EPB41L3: variants seen among roughly 807,000 people sequenced by gnomAD.
The protein encoded by EPB41L3 is erythrocyte membrane protein band 4.1 like 3.
In EPB41L3, 57 loss-of-function variants were observed where a neutral mutation model predicts 127.1. The ratio of observed to expected loss-of-function variants is 0.45; its 90% confidence interval spans 0.36 to 0.56. The LOEUF is 0.56. Ranked by LOEUF, EPB41L3 falls within the 20% of genes least tolerant of loss-of-function variation. The pLI is 0.00. For synonymous variants in EPB41L3, 572 were observed against 549.5 expected, an observed-to-expected ratio of 1.04 and a Z score of -0.57; for missense variants, 1,273 against 1,372.2, an observed-to-expected ratio of 0.93 and a Z score of 1.14.
chr18:5,515,262 T>A (rs1168726851), intron 1 of EPB41L3, among the ~76,000 whole-genome samples: 1 of 152,198 alleles, frequency 6.6e-6, no homozygotes, highest in Non-Finnish European at 1.5e-5. Context: ...ACTGAGAGTT[T>A]TTTTGCTTTG....
chr18:5,396,797 TA>T, intron 18 of EPB41L3, among the ~76,000 whole-genome samples: 1 of 152,218 alleles, frequency 6.6e-6, no homozygotes, highest in Non-Finnish European at 1.5e-5. Flanking sequence ...CTGCCAATTA[TA>T]ATAATTTCAG....
chr18:5,546,190 A>C (rs2093878577), upstream of EPB41L3, among the ~76,000 whole-genome samples: 1 of 152,142 alleles, frequency 6.6e-6, no homozygotes, highest in East Asian at 1.9e-4. Flanking sequence ...CTGAATGGCA[A>C]TTTTCTTGGG....
intron 3 of EPB41L3, among the ~76,000 whole-genome samples, chr18:5,468,000 C>T (rs1233458134): frequency 6.6e-6 from 1 of 152,168 alleles, no homozygotes; most frequent in Non-Finnish European, 1.5e-5. Context: ...CCTGCTCCCA[C>T]TGCCTGGCTT....
At chr18:5,469,945 A>G (rs962586716) in intron 3 of EPB41L3, among the ~76,000 whole-genome samples, 1 of 151,908 alleles carries the variant, frequency 6.6e-6, no homozygotes, top group East Asian at 1.9e-4. Flanking sequence ...ATGCACAGCT[A>G]ATTTTTGTAT....
intron 1 of EPB41L3, among the ~76,000 whole-genome samples, chr18:5,517,815 G>A (rs1039336244): frequency 1.8e-4 from 28 of 151,954 alleles, no homozygotes; most frequent in Admixed American, 8.5e-4. Context: ...CTCCCTCCCC[G>A]CCACCACCAG....
At chr18:5,398,486 C>T (rs1431488948) in intron 16 of EPB41L3, 4 of 412,824 alleles carry the variant, frequency 9.7e-6, no homozygotes, top group African/African-American at 2.1e-5. Context: ...CTTTGCACTG[C>T]GGTATTGATT....
At chr18:5,630,424 C>T (rs1238822492), upstream of EPB41L3, 1 of 518,956 alleles carries the variant, frequency 1.9e-6, no homozygotes, top group African/African-American at 1.9e-5. Flanking sequence ...AGCTTGTTCG[C>T]AGCCCGCAGG....
Position 5,397,355 on chromosome 18 carries a change from A to G in EPB41L3, c.2544T>C (p.Thr848=), listed in dbSNP as rs2073721104. ...ACACGGTCTCCTGCACCACCTTCTC[A>G]GTGCTAAGCGGCAGGTGGTGCACGG... is the stretch of plus-strand genomic sequence containing the variant. ...EPTVHHLPLS[T]EKVVQETVLV... Residue 848 remains threonine (T), a synonymous_variant, in exon 18 of 23, where the codon ACT becomes ACC. Coordinates refer to ENST00000341928, the MANE Select transcript of EPB41L3 (RefSeq NM_012307.5). This position sits in a 1 kb window ranked among gnomAD's most constrained non-coding sequence, Gnocchi z 4.1. The G allele has an allele frequency of 3.1e-6, 5 of 1,613,962 alleles. No homozygotes were observed. Among genetic ancestry groups the G allele is most frequent in the Non-Finnish European group, 4.2e-6 (5 of 1,180,014 alleles).
rs563662904 is a variant in EPB41L3 at position 5,499,829 on chromosome 18, G to GTGTATATATATATATATA, written c.-11-10636_-11-10635insTATATATATATATATACA. Among the ~76,000 whole-genome samples the GTGTATATATATATATATA allele has an allele frequency of 8.1e-4, 101 of 124,636 alleles. 1 individual carries two copies. The highest frequency in any genetic ancestry group is 3.0e-3 in the African/African-American group (97 of 32,182). 81.8% of individuals were successfully genotyped at this position (124,636 alleles called of 152,430 possible). ...CCTACTACATACTTACTATGTGTGT[G>GTGTATATATATATATATA]TATATATATATATATATATGGCATT... On this transcript the variant is annotated intron_variant, in intron 1 of 22. Transcript: ENST00000341928.
At position 5,438,117 on chromosome 18, in the gene EPB41L3, G is replaced by C. The variant is rs2080132276; in HGVS notation, c.530-7C>G. 3 of 1,611,946 alleles carry C rather than the reference G, an allele frequency of 1.9e-6. No individual in the cohort carries two copies. In the African/African-American group the frequency reaches 4.0e-5, roughly 22 times the overall value. ...GAAAAGTGCCAAGCACCACCTGCAA[G>C]GATGGAAAAAAATTAGAGTAAAACC... On this transcript the variant is annotated splice_polypyrimidine_tract_variant and splice_region_variant and intron_variant, in intron 5 of 22. Transcript: ENST00000341928.
At chr18:5,425,692 A>G (rs1489678294) in intron 9 of EPB41L3, among the ~76,000 whole-genome samples, 9 of 151,906 alleles carry the variant, frequency 5.9e-5, no homozygotes, top group Admixed American at 5.9e-4. Flanking sequence ...ATTTCTTCTC[A>G]CTCACTTTTC....
intron 3 of EPB41L3, among the ~76,000 whole-genome samples, chr18:5,563,179 A>G (rs78561104): frequency 6.6e-6 from 1 of 152,220 alleles, no homozygotes; most frequent in East Asian, 1.9e-4. Context: ...AGTATGGGGA[A>G]TATGTAAGAA....
intron 8 of EPB41L3, among the ~76,000 whole-genome samples, chr18:5,432,180 A>G (rs868640638): frequency 2.0e-5 from 3 of 152,324 alleles, no homozygotes; most frequent in Middle Eastern, 6.8e-3. Flanking sequence ...AAAGCTAACC[A>G]AAGTGCAGCC....
intron 1 of EPB41L3, among the ~76,000 whole-genome samples, chr18:5,519,388 C>G (rs1205459372): frequency 6.6e-6 from 1 of 152,220 alleles, no homozygotes; most frequent in Non-Finnish European, 1.5e-5. Flanking sequence ...ACTCCCCAGT[C>G]TATCCGGATT....
intron 1 of EPB41L3, among the ~76,000 whole-genome samples, chr18:5,503,444 G>T (rs530094576): frequency 1.3e-5 from 2 of 152,266 alleles, no homozygotes; most frequent in East Asian, 3.9e-4. Flanking sequence ...TGGGTTCCAC[G>T]TCCACCAATT....
At position 5,392,654 on chromosome 18, in the gene EPB41L3, T is replaced by A. The variant is rs9953490; in HGVS notation, c.*831A>T. 0.28 allele frequency: 42,668 copies of A among 152,406 alleles called. 12,137 individuals carry two copies. The highest frequency in any genetic ancestry group is 0.73 in the African/African-American group (30,347 of 41,448). 9.4% of individuals were successfully genotyped at this position (152,406 alleles called of 1,614,324 possible). A position where few individuals can be genotyped will look rare whatever the true frequency, so the allele number is the denominator to read the frequency against. ...TAAAAAATACACGGCACGGAAAAAGTAACTAAGAAAACAAAGCCACAGGAA... is the reference window on the plus strand; with the variant it reads ...TAAAAAATACACGGCACGGAAAAAGAAACTAAGAAAACAAAGCCACAGGAA... On this transcript the variant is annotated 3_prime_UTR_variant, in exon 23 of 23. Coordinates refer to ENST00000341928, the MANE Select transcript of EPB41L3 (RefSeq NM_012307.5).
At chr18:5,624,907 A>G (rs1455185767) in intron 1 of EPB41L3, among the ~76,000 whole-genome samples, 1 of 152,210 alleles carries the variant, frequency 6.6e-6, no homozygotes, top group Non-Finnish European at 1.5e-5. Flanking sequence ...CGAGAAAAAC[A>G]TCACAAGGGA....
At chr18:5,619,141 T>C (rs1338429060) in intron 1 of EPB41L3, among the ~76,000 whole-genome samples, 1 of 152,120 alleles carries the variant, frequency 6.6e-6, no homozygotes, top group African/African-American at 2.4e-5. Context: ...AATGGGGCTC[T>C]TGACTATTAA....
intron 1 of EPB41L3, among the ~76,000 whole-genome samples, chr18:5,542,275 G>C (rs1291274792): frequency 6.6e-6 from 1 of 152,180 alleles, no homozygotes; most frequent in East Asian, 1.9e-4. Context: ...TTGGGACTAC[G>C]TCCATGGCTC....
Sources: allele counts gnomAD v4.1 joint callset (sites outside exome capture counted in the v4.1 genomes callset), GRCh38; gene constraint gnomAD v4.1.1; non-coding constraint Gnocchi (gnomAD v3.1); transcripts MANE v1.5; gene names NCBI Gene and HGNC (gene_info 2026-07-23, HGNC 2026-07-21).